Variants in SETD9 observed in about 807,000 individuals in gnomAD.
SETD9 encodes SET domain containing 9, also known as SET domain-containing protein 9.
SETD9 carries 37 observed loss-of-function variants against 36.4 expected under a neutral mutation model. The observed-to-expected ratio is 1.02, with a 90% CI of 0.78 to 1.34. The LOEUF is 1.34. Ranked by LOEUF, SETD9 falls within the 40% of genes most tolerant of loss-of-function variation. SETD9 has a pLI of 0.00. For missense variants in SETD9, 323 were observed against 353.2 expected (o/e 0.91, Z 0.69); for synonymous variants, 128 against 132.9 (o/e 0.96, Z 0.26).
At chr5:56,919,292 AT>A (rs1464213443), downstream of SETD9, among the ~76,000 whole-genome samples, 3 of 151,904 alleles carry the variant, frequency 2.0e-5, no homozygotes, top group African/African-American at 7.3e-5. Flanking sequence ...CGCTCGGCTG[AT>A]TTTTGTATTT....
chr5:56,925,164 A>T (rs998882547), intron 5 of SETD9, among the ~76,000 whole-genome samples: 4 of 152,196 alleles, frequency 2.6e-5, no homozygotes, highest in Non-Finnish European at 4.4e-5. Flanking sequence ...AAATGTCTTA[A>T]ATTATACGCT....
Position 56,916,934 on chromosome 5 carries a change from C to T in SETD9, c.*32C>T. ...GAATCAGAAATTATTAGGTTTTCTA[C>T]TCAGCTATTAATTCTAAGTGTTTTT... is the stretch of plus-strand genomic sequence containing the variant. On this transcript the variant is annotated 3_prime_UTR_variant, in exon 6 of 6. Transcript: ENST00000285947. The T allele has an allele frequency of 6.4e-7, 1 of 1,573,318 alleles. No individual in the cohort carries two copies. Among genetic ancestry groups the T allele is most frequent in the Non-Finnish European group, 8.6e-7 (1 of 1,165,804 alleles).
At chr5:56,915,029 G>A in intron 5 of SETD9, 63 bp downstream of exon 5, 4 of 1,199,144 alleles carry the variant, frequency 3.3e-6, no homozygotes, top group African/African-American at 1.6e-5. Flanking sequence ...AAATATAGAA[G>A]AAAAAGCTAT....
At chr5:56,923,392 C>T (rs975004789) in intron 5 of SETD9, 26 of 1,614,018 alleles carry the variant, frequency 1.6e-5, no homozygotes, top group African/African-American at 2.7e-5. Flanking sequence ...GGTTTAGCTC[C>T]GAGTGATAAA....
At chr5:56,923,618 G>A (rs756433260) in intron 5 of SETD9, 1 of 1,611,660 alleles carries the variant, frequency 6.2e-7, no homozygotes, top group East Asian at 2.2e-5. Flanking sequence ...TTAAGTAAGT[G>A]GTCCTATGAC....
At chr5:56,921,112 G>A (rs193068314), downstream of SETD9, 20 of 152,482 alleles carry the variant, frequency 1.3e-4, no homozygotes, top group Non-Finnish European at 2.5e-4. Context: ...TACTGCATCA[G>A]CTACTGAGAA....
At chr5:56,923,857 T>C in intron 5 of SETD9, 1 of 1,614,078 alleles carries the variant, frequency 6.2e-7, no homozygotes. Flanking sequence ...CCCAGTAATT[T>C]TATGACTATA....
intron 3 of SETD9, 28 bp downstream of exon 3, chr5:56,913,162 T>C (rs751722329): frequency 1.6e-5 from 25 of 1,611,244 alleles, no homozygotes; most frequent in Non-Finnish European, 2.1e-5. Flanking sequence ...TCAAATTTAA[T>C]TATAGGAGAC....
downstream of SETD9, chr5:56,921,610 G>A (rs969607469): frequency 6.6e-6 from 1 of 152,584 alleles, no homozygotes; most frequent in Admixed American, 6.5e-5. Flanking sequence ...TTCACAGTTT[G>A]TATAATAAAT....
At chr5:56,924,211 T>A (rs547418414) in intron 5 of SETD9, among the ~76,000 whole-genome samples, 5 of 152,200 alleles carry the variant, frequency 3.3e-5, no homozygotes, top group African/African-American at 4.8e-5. Flanking sequence ...ATTAGTGGAA[T>A]GCCTTTACAT....
At chr5:56,921,702 T>C (rs16886496), downstream of SETD9, 13,905 of 152,690 alleles carry the variant, frequency 0.091, 656 homozygotes, top group East Asian at 0.14. Flanking sequence ...TACTTACAAA[T>C]ATTAGCAATG....
chr5:56,912,115 A>G (rs1749163959), intron 2 of SETD9: 1 of 912,108 alleles, frequency 1.1e-6, no homozygotes, highest in Admixed American at 6.2e-5. Flanking sequence ...AGATTGTGCC[A>G]TTGCGCTCCA....
At chr5:56,927,585 G>C (rs1750054753), downstream of SETD9, among the ~76,000 whole-genome samples, 1 of 152,152 alleles carries the variant, frequency 6.6e-6, no homozygotes, top group Non-Finnish European at 1.5e-5. Context: ...TAGTTTTTAA[G>C]AGTAGTTTGA....
chr5:56,910,035 C>A, intron 1 of SETD9: 1 of 1,337,100 alleles, frequency 7.5e-7, no homozygotes, highest in Non-Finnish European at 9.6e-7. Flanking sequence ...GCCTCTTTCC[C>A]AGTGTCCGCT....
Position 56,911,203 on chromosome 5 carries a change from A to G in SETD9, c.133A>G (p.Lys45Glu), listed in dbSNP as rs769856420. The G allele has an allele frequency of 6.4e-6, 10 of 1,572,190 alleles. No individual in the cohort carries two copies. The highest frequency in any genetic ancestry group is 1.9e-5 in the Admixed American group (1 of 51,896). The change falls in exon 2 of 6, where the codon AAA becomes GAA. Residue 45 changes from lysine (K) to glutamate (E), a missense_variant. By Grantham distance (56) the Lys-to-Glu change is moderately conservative. Coordinates refer to ENST00000285947, the MANE Select transcript of SETD9 (RefSeq NM_153706.4). ...ATATGTTCCAGAGGAATCCAAAGAC[A>G]AAGTTATCTCAGATGAAGATGTCCT... ...LRYVPEESKD[K>E]VISDEDVLGT...
downstream of SETD9, among the ~76,000 whole-genome samples, chr5:56,926,927 C>T (rs1446068116): frequency 6.6e-6 from 1 of 152,004 alleles, no homozygotes; most frequent in Non-Finnish European, 1.5e-5. Flanking sequence ...CAAACACAAA[C>T]AAACAAAAAA....
intron 2 of SETD9, chr5:56,912,311 G>T: frequency 1.3e-6 from 1 of 798,976 alleles, no homozygotes; most frequent in South Asian, 5.7e-5. Context: ...AATAGACTAC[G>T]TTATGTGTTA....
downstream of SETD9, among the ~76,000 whole-genome samples, chr5:56,925,852 A>G (rs1749947761): frequency 6.6e-6 from 1 of 152,094 alleles, no homozygotes; most frequent in African/African-American, 2.4e-5. Flanking sequence ...TTTACTATAA[A>G]GCTATAGTAA....
At chr5:56,910,652 T>TTATG (rs1194457668) in intron 1 of SETD9, 1 of 260,982 alleles carries the variant, frequency 3.8e-6, no homozygotes, top group East Asian at 1.3e-4. Context: ...AAATAAGAGG[T>TTATG]GCAGTCATTG....
Sources: gnomAD v4.1 joint callset for allele counts (sites outside exome capture counted in the v4.1 genomes callset) on GRCh38, gnomAD v4.1.1 for gene constraint, MANE v1.5 for transcripts, NCBI Gene and HGNC (gene_info 2026-07-23, HGNC 2026-07-21) for gene names.